Variants in MLLT10 observed in about 807,000 individuals in gnomAD.
MLLT10 encodes protein AF-10.
Under a neutral mutation model 129.1 loss-of-function variants are expected in MLLT10, and 30 were observed. The ratio of observed to expected loss-of-function variants is 0.23; its 90% CI spans 0.17 to 0.32. MLLT10 has a LOEUF of 0.32. MLLT10 is among the 10% of genes least tolerant of loss of function. MLLT10 has a pLI of 1.00. For missense variants in MLLT10, 1,119 were observed against 1,268.3 expected (o/e 0.88, Z 1.79); for synonymous variants, 490 against 446.4 (o/e 1.10, Z -1.23).
At chr10:21,644,222 A>G (rs1186103172) in intron 8 of MLLT10, among the ~76,000 whole-genome samples, 1 of 152,030 alleles carries the variant, frequency 6.6e-6, no homozygotes, top group Non-Finnish European at 1.5e-5. Context: ...CTAGGTTGTG[A>G]TATTTGGCTA....
intron 21 of MLLT10, among the ~76,000 whole-genome samples, chr10:21,737,699 G>T (rs752102038): frequency 1.6e-4 from 25 of 152,140 alleles, no homozygotes; most frequent in Non-Finnish European, 8.8e-5. Flanking sequence ...AGACCCAAGT[G>T]GGATTGTGGC....
At chr10:21,558,923 T>C (rs2038430974) in intron 3 of MLLT10, among the ~76,000 whole-genome samples, 1 of 152,200 alleles carries the variant, frequency 6.6e-6, no homozygotes, top group African/African-American at 2.4e-5. Flanking sequence ...AAAGAATTAG[T>C]CCTTCTATAT....
intron 7 of MLLT10, among the ~76,000 whole-genome samples, chr10:21,616,437 A>G (rs1292312957): frequency 6.6e-6 from 1 of 152,026 alleles, no homozygotes. Context: ...CACCAATTCG[A>G]TGTGGTACCA....
chr10:21,676,162 G>T (rs548462430), intron 11 of MLLT10, among the ~76,000 whole-genome samples: 7 of 151,860 alleles, frequency 4.6e-5, no homozygotes, highest in African/African-American at 1.7e-4. Context: ...GCACACAGTG[G>T]CTCATGCTTG....
At chr10:21,725,961 C>T (rs533681350) in intron 14 of MLLT10, among the ~76,000 whole-genome samples, 1 of 152,040 alleles carries the variant, frequency 6.6e-6, no homozygotes, top group Admixed American at 6.5e-5. Context: ...CCATGTTACC[C>T]AGGATGGTCT....
intron 9 of MLLT10, among the ~76,000 whole-genome samples, chr10:21,657,275 C>T (rs1190379753): frequency 6.6e-6 from 1 of 151,768 alleles, no homozygotes; most frequent in Admixed American, 6.6e-5. Flanking sequence ...TGCCTATAAT[C>T]CCAGCTACAC....
chr10:21,637,508 T>C (rs2047573860), intron 8 of MLLT10, among the ~76,000 whole-genome samples: 1 of 152,198 alleles, frequency 6.6e-6, no homozygotes, highest in Admixed American at 6.5e-5. Flanking sequence ...TTGAAATTTA[T>C]TGGAGTTTCC....
At chr10:21,619,934 C>CTT (rs59738804) in intron 8 of MLLT10, among the ~76,000 whole-genome samples, 13 of 136,254 alleles carry the variant, frequency 9.5e-5, no homozygotes, top group Admixed American at 1.5e-4. Context: ...TTTTTCTTTT[C>CTT]TTTTTTTTTT....
chr10:21,668,454 A>G (rs1054584594), intron 9 of MLLT10, among the ~76,000 whole-genome samples: 3 of 152,128 alleles, frequency 2.0e-5, no homozygotes, highest in African/African-American at 7.2e-5. Context: ...TTTCTCTTTG[A>G]ATGAACCCTG....
Position 21,732,910 on chromosome 10 carries a change from C to T in MLLT10, c.2230C>T (p.Leu744=). ...CAAATGTGTGGTAGTTTTAGGAATG[C>T]TGAAGTCATTACACCAACTTCAAGT... ...QGTPSDILGM[L]KSLHQLQVEN... The change falls in exon 18 of 23, where the codon CTG becomes TTG. Residue 744 remains leucine (L), a synonymous_variant. Coordinates refer to ENST00000307729, the MANE Select transcript of MLLT10 (RefSeq NM_001195626.3). 6.2e-7 allele frequency: 1 copy of T among 1,613,336 alleles called. No individual in the cohort carries two copies. Among genetic ancestry groups the T allele is most frequent in the South Asian group, 1.1e-5 (1 of 90,954 alleles).
chr10:21,714,459 A>G (rs770614071), intron 14 of MLLT10, among the ~76,000 whole-genome samples: 1 of 152,248 alleles, frequency 6.6e-6, no homozygotes, highest in Non-Finnish European at 1.5e-5. Flanking sequence ...TGATGAATAT[A>G]TAGGTTTTTC....
chr10:21,581,261 A>G (rs553698813), intron 3 of MLLT10, among the ~76,000 whole-genome samples: 2 of 150,572 alleles, frequency 1.3e-5, no homozygotes, highest in East Asian at 4.0e-4. Flanking sequence ...GTTAGCCAGG[A>G]TGGTCTCGAT....
chr10:21,733,651 A>G, intron 19 of MLLT10, 59 bp downstream of exon 19: 2 of 1,453,736 alleles, frequency 1.4e-6, no homozygotes, highest in South Asian at 2.8e-5. Flanking sequence ...ATAGTATATT[A>G]AATGGTTTAA....
At chr10:21,572,151 C>T (rs1471680595) in intron 3 of MLLT10, 2 of 152,050 alleles carry the variant, frequency 1.3e-5, no homozygotes, top group Non-Finnish European at 2.9e-5. Flanking sequence ...TGTTTTTCAC[C>T]ATTTGTTGAA....
intron 13 of MLLT10, among the ~76,000 whole-genome samples, chr10:21,709,230 CTTT>C (rs33993302): frequency 1.7e-3 from 239 of 143,448 alleles, no homozygotes; most frequent in Admixed American, 2.3e-3. Context: ...ATTTTATCTG[CTTT>C]TTTTTTTTTT....
In MLLT10 at chr10:21,558,165, C is replaced by T. The variant is rs36086307; in HGVS notation, c.240+19253C>T. Among the ~76,000 whole-genome samples, 446 of 151,620 alleles carry T rather than the reference C, an allele frequency of 2.9e-3. 1 individual carries two copies. Among genetic ancestry groups the T allele is most frequent in the Non-Finnish European group, 5.3e-3 (361 of 67,886 alleles). On this transcript the variant is annotated intron_variant, in intron 3 of 22. Transcript: ENST00000307729. ...GGGGTTTTGCCATGTTGGCCAGGCTCGTCTCGAACTACTGACCTCCGGTGA... is the reference window on the plus strand; with the variant it reads ...GGGGTTTTGCCATGTTGGCCAGGCTTGTCTCGAACTACTGACCTCCGGTGA...
chr10:21,608,746 C>G (rs2044308752), intron 5 of MLLT10, among the ~76,000 whole-genome samples: 1 of 151,962 alleles, frequency 6.6e-6, no homozygotes, highest in East Asian at 1.9e-4. Context: ...TTGATCTCTT[C>G]TTAAGTTTGC....
chr10:21,650,073 A>G (rs1284589204), intron 8 of MLLT10, among the ~76,000 whole-genome samples: 2 of 152,206 alleles, frequency 1.3e-5, no homozygotes, highest in Non-Finnish European at 2.9e-5. Flanking sequence ...AAAAAGTAAA[A>G]TAAAAAATTA....
chr10:21,562,552 G>A (rs2038964111), intron 3 of MLLT10, among the ~76,000 whole-genome samples: 1 of 151,650 alleles, frequency 6.6e-6, no homozygotes, highest in Non-Finnish European at 1.5e-5. Flanking sequence ...TGGCGAGGCT[G>A]GTTTCAAACT....
Sources: allele counts gnomAD v4.1 joint callset (sites outside exome capture counted in the v4.1 genomes callset), GRCh38; gene constraint gnomAD v4.1.1; transcripts MANE v1.5; gene names NCBI Gene and HGNC (gene_info 2026-07-23, HGNC 2026-07-21).